Variants in PRPF18 observed in about 807,000 individuals in gnomAD.
PRPF18 encodes pre-mRNA-splicing factor 18.
A neutral mutation model predicts 46.5 loss-of-function variants in PRPF18; 38 were observed. That is an observed-to-expected ratio of 0.82 (90% CI 0.63 to 1.07). PRPF18 has a LOEUF of 1.07. Ranked by LOEUF, PRPF18 falls within the 50% of genes least tolerant of loss-of-function variation. The pLI is 0.00. For synonymous variants in PRPF18, 152 were observed against 146.7 expected, an observed-to-expected ratio of 1.04 and a Z score of -0.26; for missense variants, 263 against 410.0, an observed-to-expected ratio of 0.64 and a Z score of 3.10.
chr10:13,624,339 G>T (rs1045961457), intron 9 of PRPF18, among the ~76,000 whole-genome samples: 1 of 152,214 alleles, frequency 6.6e-6, no homozygotes, highest in African/African-American at 2.4e-5. Flanking sequence ...TTTGAAAAAT[G>T]AATATAGCTA....
intron 4 of PRPF18, among the ~76,000 whole-genome samples, chr10:13,605,973 A>G (rs1031959704): frequency 6.6e-6 from 1 of 152,214 alleles, no homozygotes; most frequent in Non-Finnish European, 1.5e-5. Context: ...ATAAAGAAAT[A>G]GAACATTTTC....
chr10:13,605,970 A>T (rs893210961), intron 4 of PRPF18, among the ~76,000 whole-genome samples: 48 of 152,162 alleles, frequency 3.2e-4, no homozygotes, highest in Middle Eastern at 3.2e-3. Flanking sequence ...CTTATAAAGA[A>T]ATAGAACATT....
the PRPF18 span, chr10:13,646,387 C>G: frequency 6.6e-6 from 1 of 152,576 alleles, no homozygotes; most frequent in African/African-American, 2.4e-5. Flanking sequence ...TTTCTGGTGT[C>G]GAGAACTTCC....
the PRPF18 span, chr10:13,646,401 C>G: frequency 5.2e-5 from 8 of 152,584 alleles, no homozygotes; most frequent in Non-Finnish European, 1.2e-4. Context: ...AACTTCCTTT[C>G]TCAACCTCCC....
At chr10:13,626,759 G>A (rs1386568161) in intron 9 of PRPF18, among the ~76,000 whole-genome samples, 1 of 151,712 alleles carries the variant, frequency 6.6e-6, no homozygotes, top group Non-Finnish European at 1.5e-5. Context: ...GATTTGGAAA[G>A]AGTGAGGTAG....
intron 1 of PRPF18, chr10:13,592,009 T>A: frequency 1.3e-6 from 1 of 746,234 alleles, no homozygotes; most frequent in Non-Finnish European, 2.2e-6. Flanking sequence ...TTATGAAGTT[T>A]AACCACCTGG....
chr10:13,590,327 C>A, intron 1 of PRPF18, among the ~76,000 whole-genome samples: 1 of 151,322 alleles, frequency 6.6e-6, no homozygotes, highest in East Asian at 1.9e-4. Flanking sequence ...GACATTCGGC[C>A]GGGCGCGGTG....
intron 3 of PRPF18, among the ~76,000 whole-genome samples, chr10:13,603,430 T>C (rs556412413): frequency 8.5e-5 from 13 of 152,342 alleles, no homozygotes; most frequent in Admixed American, 3.9e-4. Flanking sequence ...ACCACTGTTA[T>C]ATAATTCCAG....
At chr10:13,622,643 G>C (rs1213467714) in intron 9 of PRPF18, among the ~76,000 whole-genome samples, 1 of 152,206 alleles carries the variant, frequency 6.6e-6, no homozygotes, top group Non-Finnish European at 1.5e-5. Flanking sequence ...AGTAAAAAGA[G>C]CAGCAGAGTC....
chr10:13,589,064 A>C (rs1217827636), intron 1 of PRPF18, among the ~76,000 whole-genome samples: 5 of 152,214 alleles, frequency 3.3e-5, no homozygotes, highest in Admixed American at 3.3e-4. Flanking sequence ...TTTAATATCC[A>C]CTGATCTGAG....
At chr10:13,624,107 C>T (rs931253179) in intron 9 of PRPF18, among the ~76,000 whole-genome samples, 29 of 152,290 alleles carry the variant, frequency 1.9e-4, no homozygotes, top group Middle Eastern at 6.8e-3. Flanking sequence ...GCCTCAGCCT[C>T]CTGAGTAGCT....
downstream of PRPF18, among the ~76,000 whole-genome samples, chr10:13,635,507 C>G (rs80207285): frequency 6.6e-6 from 1 of 152,226 alleles, no homozygotes; most frequent in Non-Finnish European, 1.5e-5. Context: ...TTTACACTCC[C>G]ACCAATAGTA....
chr10:13,610,923 T>G (rs1327581331), intron 5 of PRPF18, among the ~76,000 whole-genome samples: 1 of 152,148 alleles, frequency 6.6e-6, no homozygotes, highest in African/African-American at 2.4e-5. Context: ...GCTTTTGGAG[T>G]GTTAGTGTAT....
intron 8 of PRPF18, 73 bp downstream of exon 8, chr10:13,614,159 G>T: frequency 8.7e-7 from 1 of 1,149,472 alleles, no homozygotes. Context: ...ATGTTCATTT[G>T]GGATAGGAGG....
the PRPF18 span, chr10:13,638,656 A>C: frequency 6.6e-6 from 1 of 152,168 alleles, no homozygotes; most frequent in Non-Finnish European, 1.5e-5. Flanking sequence ...ACTGGAGCGT[A>C]GAGAGAGCTA....
the PRPF18 span, chr10:13,641,597 A>T: frequency 6.6e-6 from 1 of 152,290 alleles, no homozygotes; most frequent in Non-Finnish European, 1.5e-5. Context: ...GCCAGGGAAG[A>T]AAAACTACCA....
Position 13,586,978 on chromosome 10 carries a change from T to G in PRPF18, c.-109T>G, listed in dbSNP as rs1458716108. ...GCGGCTCCTGTCAGTTGTTCTCAGG[T>G]GTTTGGGCTTGTTGTTCCGTATACT... On this transcript the variant is annotated 5_prime_UTR_variant, in exon 1 of 10. Coordinates refer to ENST00000378572, the MANE Select transcript of PRPF18 (RefSeq NM_003675.4). 4.6e-6 allele frequency: 5 copies of G among 1,094,496 alleles called. No homozygotes were observed. Among genetic ancestry groups the G allele is most frequent in the East Asian group, 2.4e-5 (1 of 42,340 alleles). 67.8% of individuals were successfully genotyped at this position (1,094,496 alleles called of 1,614,324 possible).
intron 9 of PRPF18, among the ~76,000 whole-genome samples, chr10:13,621,968 T>C (rs944366928): frequency 1.3e-5 from 2 of 152,196 alleles, no homozygotes; most frequent in African/African-American, 4.8e-5. Context: ...TGTAATGTGT[T>C]CACGTGTTAC....
intron 6 of PRPF18, 91 bp downstream of exon 6, chr10:13,611,774 G>A (rs539482721): frequency 9.6e-4 from 1,079 of 1,122,472 alleles, no homozygotes; most frequent in Non-Finnish European, 1.4e-3. Context: ...AGGCTGGAAC[G>A]GGAAAGCCTC....
Sources: allele counts gnomAD v4.1 joint callset (sites outside exome capture counted in the v4.1 genomes callset), GRCh38; gene constraint gnomAD v4.1.1; transcripts MANE v1.5; gene names NCBI Gene and HGNC (gene_info 2026-07-23, HGNC 2026-07-21).